IL1RAPL1: variants seen among roughly 807,000 people sequenced by gnomAD.
The protein encoded by IL1RAPL1 is interleukin-1 receptor accessory protein-like 1.
IL1RAPL1 carries 3 observed loss-of-function variants against 48.4 expected under a neutral mutation model. That is an observed-to-expected ratio of 0.06 (90% CI 0.03 to 0.16). The LOEUF is 0.16. Ranked by LOEUF, IL1RAPL1 falls within the 10% of genes least tolerant of loss-of-function variation. The pLI, the probability that IL1RAPL1 is intolerant of heterozygous loss-of-function variation, is 1.00. For synonymous variants in IL1RAPL1, 185 were observed against 187.7 expected (o/e 0.99, Z 0.12); for missense variants, 349 against 530.6 (o/e 0.66, Z 3.36).
intron 2 of IL1RAPL1, chrX:28,924,144 A>G (rs1923681079): frequency 8.9e-6 from 1 of 111,839 alleles, no homozygotes; most frequent in Non-Finnish European, 1.9e-5. Flanking sequence ...ATGGAAAACA[A>G]ACAAACAAAC....
chrX:29,766,478 AAT>A (rs72187911), intron 6 of IL1RAPL1, among the ~76,000 whole-genome samples: 20,618 of 92,268 alleles, frequency 0.22, 2,041 homozygotes, highest in South Asian at 0.35. Flanking sequence ...TATATATCCA[AAT>A]ATATATATAT....
At chrX:28,736,589 C>T (rs1007415643) in intron 1 of IL1RAPL1, among the ~76,000 whole-genome samples, 7 of 111,692 alleles carry the variant, frequency 6.3e-5, no homozygotes, top group African/African-American at 2.3e-4. Flanking sequence ...AGTTTATGTT[C>T]CAAACTTACA....
At chrX:29,899,561 T>C (rs371413055) in intron 6 of IL1RAPL1, among the ~76,000 whole-genome samples, 1 of 107,357 alleles carries the variant, frequency 9.3e-6, no homozygotes, top group African/African-American at 3.4e-5. Context: ...TTTTTTTTTT[T>C]GAGATGGAGT....
At chrX:28,913,312 T>G (rs1212431206) in intron 2 of IL1RAPL1, among the ~76,000 whole-genome samples, 1 of 112,084 alleles carries the variant, frequency 8.9e-6, no homozygotes, top group Non-Finnish European at 1.9e-5. Context: ...GATCTGCACC[T>G]CTAGAATTTT....
chrX:29,334,189 G>A (rs1409853993), intron 3 of IL1RAPL1, among the ~76,000 whole-genome samples: 2 of 73,124 alleles, frequency 2.7e-5, no homozygotes, highest in African/African-American at 5.9e-5. Flanking sequence ...GCGGCCGGCC[G>A]GGCGGGGGGC....
At chrX:28,618,603 T>G (rs1244522609) in intron 1 of IL1RAPL1, among the ~76,000 whole-genome samples, 2 of 112,469 alleles carry the variant, frequency 1.8e-5, no homozygotes, top group Non-Finnish European at 1.9e-5. Context: ...CTTATTGGAT[T>G]GGACCAAGTG....
intron 5 of IL1RAPL1, among the ~76,000 whole-genome samples, chrX:29,583,083 A>G (rs1418439302): frequency 9.4e-6 from 1 of 106,038 alleles, no homozygotes; most frequent in Non-Finnish European, 1.9e-5. Flanking sequence ...AATGATTGCC[A>G]TTCTATGACA....
chrX:28,812,409 C>A (rs912847575), intron 2 of IL1RAPL1, among the ~76,000 whole-genome samples: 1 of 110,429 alleles, frequency 9.1e-6, no homozygotes, highest in African/African-American at 3.3e-5. Context: ...ACTACATATT[C>A]TTGGATCCTT....
chrX:29,289,366 C>G (rs902472942), intron 3 of IL1RAPL1, among the ~76,000 whole-genome samples: 1 of 112,121 alleles, frequency 8.9e-6, no homozygotes, highest in African/African-American at 3.2e-5. Context: ...GCTTTTGCAT[C>G]TTTATTCAGA....
chrX:29,254,365 C>A (rs1241076350), intron 2 of IL1RAPL1, among the ~76,000 whole-genome samples: 2 of 110,693 alleles, frequency 1.8e-5, no homozygotes, highest in South Asian at 7.5e-4. Flanking sequence ...TAAGAGGCAT[C>A]TTGTGTGAAA....
In IL1RAPL1 at chrX:29,310,311, T is replaced by C. The variant is rs1031192335; in HGVS notation, c.362+27094T>C. Among the ~76,000 whole-genome samples, 5 of 105,117 alleles carry C rather than the reference T, an allele frequency of 4.8e-5. 1 individual carries two copies. Among genetic ancestry groups the C allele is most frequent in the East Asian group, 2.9e-4 (1 of 3,470 alleles). 91.3% of individuals were successfully genotyped at this position (105,117 alleles called of 115,157 possible). On this transcript the variant is annotated intron_variant, in intron 3 of 10. Coordinates refer to ENST00000378993, the MANE Select transcript of IL1RAPL1 (RefSeq NM_014271.4). ...GCTTTATATTTATAAAAATTATATT[T>C]TGACTTCTTTTCTCTTATATTAGTT...
intron 2 of IL1RAPL1, among the ~76,000 whole-genome samples, chrX:28,957,283 TA>T (rs1924640047): frequency 9.0e-6 from 1 of 111,696 alleles, no homozygotes; most frequent in Non-Finnish European, 1.9e-5. Flanking sequence ...TAAAGTATAA[TA>T]ATAAAAGAAA....
At chrX:29,101,120 A>G (rs1036339506) in intron 2 of IL1RAPL1, among the ~76,000 whole-genome samples, 1 of 111,994 alleles carries the variant, frequency 8.9e-6, no homozygotes, top group Non-Finnish European at 1.9e-5. Context: ...AGACTAACTA[A>G]GAAAAAGAGG....
chrX:29,605,186 C>T (rs1923856576), intron 5 of IL1RAPL1, among the ~76,000 whole-genome samples: 2 of 109,480 alleles, frequency 1.8e-5, no homozygotes, highest in South Asian at 8.0e-4. Flanking sequence ...AGAAAGGTCT[C>T]TTTTCCTCTT....
chrX:29,869,710 A>T (rs1931765043), intron 6 of IL1RAPL1, among the ~76,000 whole-genome samples: 1 of 111,299 alleles, frequency 9.0e-6, no homozygotes. Context: ...GCCAATTACC[A>T]TGTACTACTT....
chrX:28,879,883 G>T (rs999464981), intron 2 of IL1RAPL1, among the ~76,000 whole-genome samples: 1 of 111,748 alleles, frequency 8.9e-6, no homozygotes, highest in African/African-American at 3.2e-5. Context: ...TTGAATGAGA[G>T]ACAGGAATGA....
At chrX:29,494,258 A>C (rs2147755701) in intron 5 of IL1RAPL1, among the ~76,000 whole-genome samples, 1 of 111,641 alleles carries the variant, frequency 9.0e-6, no homozygotes, top group Non-Finnish European at 1.9e-5. Flanking sequence ...TTCATGCATT[A>C]GTTTGCCTCT....
At chrX:28,734,512 A>C (rs1935796315) in intron 1 of IL1RAPL1, among the ~76,000 whole-genome samples, 1 of 105,847 alleles carries the variant, frequency 9.4e-6, no homozygotes, top group East Asian at 3.0e-4. Context: ...ATAATCCCAC[A>C]ATTCCTTTAC....
At chrX:29,508,147 A>T (rs182218004) in intron 5 of IL1RAPL1, among the ~76,000 whole-genome samples, 1 of 111,567 alleles carries the variant, frequency 9.0e-6, no homozygotes, top group African/African-American at 3.3e-5. Flanking sequence ...TCTCTGTCCT[A>T]TAGAAAGTAT....
Sources: allele counts gnomAD v4.1 joint callset (sites outside exome capture counted in the v4.1 genomes callset), GRCh38; gene constraint gnomAD v4.1.1; transcripts MANE v1.5; gene names NCBI Gene and HGNC (gene_info 2026-07-23, HGNC 2026-07-21).